PHEX: variants seen among roughly 807,000 people sequenced by gnomAD.
PHEX encodes phosphate-regulating neutral endopeptidase PHEX.
Under a neutral mutation model 68.0 loss-of-function variants are expected in PHEX, and 16 were observed. The ratio of observed to expected loss-of-function variants is 0.24; its 90% CI spans 0.16 to 0.36. The LOEUF (loss-of-function observed/expected upper bound fraction) is 0.36, where lower values mean the gene tolerates loss of function less well. PHEX is among the 10% of genes least tolerant of loss of function. The pLI, the probability that PHEX is intolerant of heterozygous loss-of-function variation, is 1.00. For synonymous variants in PHEX, 208 were observed against 205.1 expected, an observed-to-expected ratio of 1.01 and a Z score of -0.12; for missense variants, 480 against 575.5, an observed-to-expected ratio of 0.83 and a Z score of 1.70.
rs144477005 is a variant in PHEX, at chrX:22,226,396, G to A, written c.1900-47G>A. The A allele has an allele frequency of 9.4e-4, 876 of 927,886 alleles. 5 individuals are homozygous for A. The African/African-American group carries it at 0.013, about 14-fold the overall frequency. The allele number at this position is 927,886 out of a possible 1,213,427, so 76.5% of individuals were successfully genotyped here. ...GCCTCTTGCTGAATGATAGTTGACC[G>A]TGAAACACGCATTCATTTTTTTTTT... On this transcript the variant is annotated intron_variant, in intron 18 of 21. Coordinates refer to ENST00000379374, the MANE Select transcript of PHEX (RefSeq NM_000444.6).
At chrX:22,119,892 T>TG (rs1414815996) in intron 11 of PHEX, among the ~76,000 whole-genome samples, 7 of 110,987 alleles carry the variant, frequency 6.3e-5, no homozygotes, top group African/African-American at 2.3e-4. Context: ...CCACCACGCC[T>TG]GGCCTTGTTT....
At chrX:22,116,967 G>C (rs1931260844) in intron 11 of PHEX, among the ~76,000 whole-genome samples, 1 of 111,507 alleles carries the variant, frequency 9.0e-6, no homozygotes, top group African/African-American at 3.3e-5. Flanking sequence ...GGGGTCTAAA[G>C]GAACTCCCCA....
chrX:22,230,473 T>C (rs1297764023), intron 20 of PHEX, among the ~76,000 whole-genome samples: 1 of 96,175 alleles, frequency 1.0e-5, no homozygotes, highest in Non-Finnish European at 2.1e-5. Context: ...TTTGTAGTTA[T>C]CCTTGAAGAG....
At chrX:22,033,463 A>G (rs374194695) in intron 1 of PHEX, among the ~76,000 whole-genome samples, 9 of 112,147 alleles carry the variant, frequency 8.0e-5, no homozygotes, top group African/African-American at 2.9e-4. Flanking sequence ...ACATAGTTTC[A>G]TTTATATTTT....
At chrX:22,041,265 C>CTCTATATATA (rs1468778300) in intron 2 of PHEX, among the ~76,000 whole-genome samples, 26 of 72,803 alleles carry the variant, frequency 3.6e-4, no homozygotes, top group East Asian at 1.3e-3. Context: ...CTCTCTCTCT[C>CTCTATATATA]TATATATATA....
intron 20 of PHEX, among the ~76,000 whole-genome samples, chrX:22,228,885 A>G (rs1195061729): frequency 1.8e-5 from 2 of 110,815 alleles, no homozygotes; most frequent in Non-Finnish European, 3.8e-5. Flanking sequence ...CTAGCCCCCA[A>G]CCAACCCTCT....
chrX:22,077,732 C>T (rs1337320202), intron 5 of PHEX, 30 bp downstream of exon 5: 3 of 1,094,931 alleles, frequency 2.7e-6, no homozygotes, highest in South Asian at 1.8e-5. Flanking sequence ...ATCTTCTTTG[C>T]TCAGTCCTAG....
chrX:22,040,714 G>A (rs1927236115), intron 2 of PHEX, among the ~76,000 whole-genome samples: 1 of 110,896 alleles, frequency 9.0e-6, no homozygotes, highest in African/African-American at 3.3e-5. Context: ...TTGAGGAACG[G>A]GAGGAGCTTG....
intron 15 of PHEX, among the ~76,000 whole-genome samples, chrX:22,196,933 C>T (rs1402887097): frequency 1.8e-5 from 2 of 111,976 alleles, no homozygotes; most frequent in Non-Finnish European, 3.8e-5. Context: ...AAGGAAATAA[C>T]TGTGTTTCAA....
At chrX:22,123,808 G>A (rs1931593011) in intron 11 of PHEX, among the ~76,000 whole-genome samples, 2 of 108,929 alleles carry the variant, frequency 1.8e-5, no homozygotes, top group East Asian at 5.7e-4. Context: ...GAAATTACTC[G>A]AGGAGCCAAA....
At chrX:22,178,596 A>G (rs779920315) in intron 14 of PHEX, among the ~76,000 whole-genome samples, 5 of 111,864 alleles carry the variant, frequency 4.5e-5, no homozygotes, top group East Asian at 2.8e-4. Flanking sequence ...GCATCAACAC[A>G]TATCAAGAGA....
chrX:22,110,367 CAAATA>C (rs1678416329), intron 9 of PHEX, among the ~76,000 whole-genome samples: 1 of 112,319 alleles, frequency 8.9e-6, no homozygotes, highest in Non-Finnish European at 1.9e-5. Context: ...TTAAGAAAGA[CAAATA>C]AAAGCAAGTA....
chrX:22,231,898 G>T (rs1221009005), intron 20 of PHEX, among the ~76,000 whole-genome samples: 1 of 111,993 alleles, frequency 8.9e-6, no homozygotes, highest in Non-Finnish European at 1.9e-5. Flanking sequence ...TTTCTCTTGT[G>T]TGCATTTAGT....
At chrX:22,244,716 T>C (rs1489312540) in intron 20 of PHEX, among the ~76,000 whole-genome samples, 1 of 112,091 alleles carries the variant, frequency 8.9e-6, no homozygotes, top group Non-Finnish European at 1.9e-5. Context: ...TGGCCGTTAG[T>C]GTAGCATCTT....
At chrX:22,238,927 G>A (rs150124712) in intron 20 of PHEX, among the ~76,000 whole-genome samples, 3,648 of 111,527 alleles carry the variant, frequency 0.033, 142 homozygotes, top group African/African-American at 0.11. Flanking sequence ...GTGTATCCTG[G>A]CTGGGAGATA....
rs181612331 is a variant in PHEX at position 22,224,117 on chromosome X, C to A, written c.1900-2326C>A. ...CCTGCCTCAGCCTCCCCAGTAGCTG[C>A]GATTACAGGTGCCAGCCACCACGCC... is the stretch of plus-strand genomic sequence containing the variant. On this transcript the variant is annotated intron_variant, in intron 18 of 21. Transcript: ENST00000379374. 4.6e-3 allele frequency among the ~76,000 whole-genome samples: 507 copies of A among 111,282 alleles called. 3 individuals are homozygous for A. Among genetic ancestry groups the A allele is most frequent in the African/African-American group, 0.015 (470 of 30,622 alleles).
chrX:22,056,776 A>G (rs1928127913), intron 3 of PHEX, among the ~76,000 whole-genome samples: 1 of 100,326 alleles, frequency 1.0e-5, no homozygotes, highest in Admixed American at 1.1e-4. Flanking sequence ...TAATAATAAT[A>G]ATAATAATAA....
chrX:22,111,192 A>G (rs1399387376), intron 9 of PHEX, among the ~76,000 whole-genome samples: 1 of 112,474 alleles, frequency 8.9e-6, no homozygotes, highest in Admixed American at 9.4e-5. Flanking sequence ...AGTGGACTTT[A>G]TACCCTGAGA....
rs375062555 is a variant in PHEX, at chrX:22,098,968, G to A, written c.934-38G>A. 10 of 1,188,349 alleles carry A rather than the reference G, an allele frequency of 8.4e-6. No homozygotes were observed. The highest frequency in any genetic ancestry group is 7.1e-5 in the African/African-American group (4 of 56,278). ...TGCCTTTCTTACTTGCTACCTAACC[G>A]AGATTCTCTCATTCTGTTTTGTTCT... On this transcript the variant is annotated intron_variant, in intron 8 of 21. Coordinates refer to ENST00000379374, the MANE Select transcript of PHEX (RefSeq NM_000444.6).
Sources: gnomAD v4.1 joint callset for allele counts (sites outside exome capture counted in the v4.1 genomes callset) on GRCh38, gnomAD v4.1.1 for gene constraint, MANE v1.5 for transcripts, NCBI Gene and HGNC (gene_info 2026-07-23, HGNC 2026-07-21) for gene names.